Variants in KIR2DL1 observed in about 807,000 individuals in gnomAD.
KIR2DL1 encodes the protein killer cell immunoglobulin like receptor, two Ig domains and long cytoplasmic tail 1, also known as killer cell immunoglobulin-like receptor 2DL1.
Under a neutral mutation model 33.9 loss-of-function variants are expected in KIR2DL1, and 38 were observed. That is an observed-to-expected ratio of 1.12 (90% CI 0.86 to 1.47). The LOEUF is 1.47. Among genes scored for constraint, KIR2DL1 ranks in the 40% most tolerant of loss-of-function variants. The pLI is 0.00. For synonymous variants in KIR2DL1, 179 were observed against 165.9 expected, an observed-to-expected ratio of 1.08 and a Z score of -0.61; for missense variants, 531 against 433.9, an observed-to-expected ratio of 1.22 and a Z score of -1.99.
At chr19:54,781,361 A>G (rs2076914983) in intron 5 of KIR2DL1, among the ~76,000 whole-genome samples, 2 of 150,276 alleles carry the variant, frequency 1.3e-5, no homozygotes, top group African/African-American at 4.9e-5. Context: ...GATCATATAG[A>G]AAATGTGAAA....
intron 4 of KIR2DL1, among the ~76,000 whole-genome samples, chr19:54,777,658 GA>G (rs1400087149): frequency 3.4e-5 from 5 of 145,548 alleles, no homozygotes; most frequent in African/African-American, 5.1e-5. Flanking sequence ...TAGCAGTGCT[GA>G]AGTTGCTTAG....
At chr19:54,776,986 G>C (rs1164784789) in intron 4 of KIR2DL1, among the ~76,000 whole-genome samples, 1 of 150,720 alleles carries the variant, frequency 6.6e-6, no homozygotes. Flanking sequence ...CTCCGTAATG[G>C]CTGTACTAAT....
At chr19:54,776,349 A>G (rs2076339402) in intron 4 of KIR2DL1, among the ~76,000 whole-genome samples, 1 of 146,586 alleles carries the variant, frequency 6.8e-6, no homozygotes, top group Admixed American at 6.9e-5. Context: ...GCTCCTGTAT[A>G]TGGGTGAGAA....
In KIR2DL1 at chr19:54,783,940, T is replaced by C. The variant is rs1350636441; in HGVS notation, c.*127T>C. On this transcript the variant is annotated 3_prime_UTR_variant, in exon 8 of 8. Coordinates refer to ENST00000336077, the MANE Select transcript of KIR2DL1 (RefSeq NM_014218.3). Reference sequence around the variant, plus strand: ...GTGAGTCTGCATCTTAGGGCATCGATCTTCCTCACACCACAAATCTGAATG... The same window carrying C: ...GTGAGTCTGCATCTTAGGGCATCGACCTTCCTCACACCACAAATCTGAATG... 6.8e-6 allele frequency: 9 copies of C among 1,325,136 alleles called. No homozygotes were observed. Among genetic ancestry groups the C allele is most frequent in the African/African-American group, 1.4e-5 (1 of 68,966 alleles). The allele number at this position is 1,325,136 out of a possible 1,614,324, so 82.1% of individuals were successfully genotyped here. A position where few individuals can be genotyped will look rare whatever the true frequency, so the allele number is the denominator to read the frequency against.
At chr19:54,770,063 C>T (rs1489332134) in intron 1 of KIR2DL1, among the ~76,000 whole-genome samples, 179 bp downstream of exon 1, 1 of 91,664 alleles carries the variant, frequency 1.1e-5, no homozygotes, top group South Asian at 3.7e-4. Context: ...GCCCAGAGGT[C>T]GAGATATAGG....
At chr19:54,782,883 C>A in intron 5 of KIR2DL1, 39 bp from the exon 6 acceptor site, 2 of 1,592,650 alleles carry the variant, frequency 1.3e-6, no homozygotes, top group African/African-American at 1.3e-5. Context: ...AGAGGAACTG[C>A]TAAGATTAGC....
chr19:54,778,416 T>G (rs1209444703), intron 4 of KIR2DL1, among the ~76,000 whole-genome samples, 196 bp from the exon 5 acceptor site: 1 of 147,854 alleles, frequency 6.8e-6, no homozygotes, highest in African/African-American at 2.5e-5. Context: ...AGTGTGATGC[T>G]CCTGTTTTCT....
chr19:54,773,489 A>G lies in KIR2DL1; in HGVS notation c.227A>G (p.His76Arg). The change falls in exon 3 of 8, where the codon CAC becomes CGC. Residue 76 changes from histidine to arginine, a missense_variant. His to Arg is a conservative substitution (Grantham distance 29, BLOSUM62 0). Coordinates refer to ENST00000336077, the MANE Select transcript of KIR2DL1 (RefSeq NM_014218.3). ...FNDTLRLIGE[H>R]HDGVSKANFS... ...GACACTTTGCGCCTCATTGGAGAACACCATGATGGGGTCTCCAAGGCCAAC... is the reference window on the plus strand; with the variant it reads ...GACACTTTGCGCCTCATTGGAGAACGCCATGATGGGGTCTCCAAGGCCAAC... 1.3e-6 allele frequency: 2 copies of G among 1,585,444 alleles called. No individual in the cohort carries two copies. The highest frequency in any genetic ancestry group is 1.7e-6 in the Non-Finnish European group (2 of 1,157,224).
rs779672810 is a variant in KIR2DL1 at position 54,772,326 on chromosome 19, A to G, written c.71-1007A>G. Among the ~76,000 whole-genome samples, 72 of 147,570 alleles carry G rather than the reference A, an allele frequency of 4.9e-4. 7 individuals are homozygous for G. Among genetic ancestry groups the G allele is most frequent in the South Asian group, 6.4e-4 (3 of 4,676 alleles). On this transcript the variant is annotated intron_variant, in intron 2 of 7. Coordinates refer to ENST00000336077, the MANE Select transcript of KIR2DL1 (RefSeq NM_014218.3). ...CAGGAGCCATGAATGCAGGTGGCCT[A>G]TAGAGGCTGGAAAAGTCAAGGAACT...
Position 54,780,591 on chromosome 19 carries a change from G to C in KIR2DL1, c.715+1929G>C, listed in dbSNP as rs539868351. The stretch of plus-strand genomic sequence containing the variant: ...TATGACTGACATGAAAATAAGGGAG[G>C]CCCAGGTGCATAACTGGAATCTAGG... On this transcript the variant is annotated intron_variant, in intron 5 of 7. Coordinates refer to ENST00000336077, the MANE Select transcript of KIR2DL1 (RefSeq NM_014218.3). Among the ~76,000 whole-genome samples, 3 of 144,794 alleles carry C rather than the reference G, an allele frequency of 2.1e-5. 1 individual carries two copies. Among genetic ancestry groups the C allele is most frequent in the African/African-American group, 7.7e-5 (3 of 38,714 alleles). The allele number at this position is 144,794 out of a possible 152,430, so 95.0% of individuals were successfully genotyped here.
In KIR2DL1 at chr19:54,783,994, G is replaced by A. The variant is rs2077389312; in HGVS notation, c.*181G>A. 1 of 974,772 alleles carries A rather than the reference G, an allele frequency of 1.0e-6. No homozygotes were observed. The highest frequency in any genetic ancestry group is 1.4e-5 in the South Asian group (1 of 69,966). The allele number at this position is 974,772 out of a possible 1,614,324, so 60.4% of individuals were successfully genotyped here. On this transcript the variant is annotated 3_prime_UTR_variant, in exon 8 of 8. Transcript: ENST00000336077. ...CTCTCTCTTGCTTACAAATGTCTAA[G>A]GTCCCCACTGCCTGCTGGAGAAAAA...
chr19:54,784,088 G>A lies in KIR2DL1; in HGVS notation c.*275G>A. The A allele has an allele frequency of 3.5e-6, 2 of 579,226 alleles. No homozygotes were observed. The highest frequency in any genetic ancestry group is 2.0e-5 in the South Asian group (1 of 49,280). 35.9% of individuals were successfully genotyped at this position (579,226 alleles called of 1,614,324 possible). On this transcript the variant is annotated 3_prime_UTR_variant, in exon 8 of 8. Coordinates refer to ENST00000336077, the MANE Select transcript of KIR2DL1 (RefSeq NM_014218.3). ...CCCTGCCCACCTCTCCAACCTAACT[G>A]GCTTACTTCCTAGTCTACTTGAGGC...
chr19:54,776,653 T>C (rs1040658471), intron 4 of KIR2DL1, among the ~76,000 whole-genome samples: 1 of 145,362 alleles, frequency 6.9e-6, no homozygotes, highest in Non-Finnish European at 1.5e-5. Context: ...TTTTTTTTCT[T>C]TTTTGAGAAA....
chr19:54,771,714 G>A (rs368156183), intron 2 of KIR2DL1, among the ~76,000 whole-genome samples: 1,980 of 148,246 alleles, frequency 0.013, 150 homozygotes, highest in African/African-American at 0.047. Context: ...AACAACTTCA[G>A]TCTGTAAAAG....
In KIR2DL1 at chr19:54,775,257, T is replaced by G. The variant is rs1280865619; in HGVS notation, c.463T>G (p.Tyr155Asp). ...VTLSCSSRSS[Y>D]DMYHLSREGE... ...CTTGTCCTGCAGCTCCCGGAGCTCC[T>G]ATGACATGTACCATCTATCCAGGGA... The change falls in exon 4 of 8, where the codon TAT (tyrosine) becomes GAT (aspartate). Residue 155 changes from tyrosine to aspartate, a missense_variant. Coordinates refer to ENST00000336077, the MANE Select transcript of KIR2DL1 (RefSeq NM_014218.3). The G allele has an allele frequency of 6.2e-7, 1 of 1,603,154 alleles. No individual in the cohort carries two copies. The highest frequency in any genetic ancestry group is 8.5e-7 in the Non-Finnish European group (1 of 1,172,292).
At chr19:54,771,419 C>T (rs1371746766) in intron 2 of KIR2DL1, among the ~76,000 whole-genome samples, 1 of 148,262 alleles carries the variant, frequency 6.7e-6, no homozygotes, top group Non-Finnish European at 1.5e-5. Context: ...AGCACTTGCT[C>T]AAAGTTCTCA....
chr19:54,783,607 C>A (rs1338657223), intron 7 of KIR2DL1, 30 bp from the exon 8 acceptor site: 15 of 1,613,866 alleles, frequency 9.3e-6, no homozygotes, highest in Non-Finnish European at 1.0e-5. Context: ...TGTGAGCACC[C>A]TCCCTCACTC....
At chr19:54,783,580 C>T in intron 7 of KIR2DL1, 42 bp downstream of exon 7, 1 of 1,613,964 alleles carries the variant, frequency 6.2e-7, no homozygotes, top group South Asian at 1.1e-5. Context: ...CTGTTATTCC[C>T]AAAGAGTCCT....
intron 4 of KIR2DL1, among the ~76,000 whole-genome samples, chr19:54,776,187 G>T (rs1364991480): frequency 1.0e-4 from 15 of 145,120 alleles, no homozygotes; most frequent in African/African-American, 3.8e-4. Context: ...ACCAGGCCCA[G>T]CCACATTTAC....
Sources: allele counts gnomAD v4.1 joint callset (sites outside exome capture counted in the v4.1 genomes callset), GRCh38; gene constraint gnomAD v4.1.1; transcripts MANE v1.5; gene names NCBI Gene and HGNC (gene_info 2026-07-23, HGNC 2026-07-21).